Variants in TRIB2 observed in about 807,000 individuals in gnomAD.
TRIB2 encodes the protein tribbles pseudokinase 2, also known as tribbles homolog 2.
Under a neutral mutation model 26.8 loss-of-function variants are expected in TRIB2, and 2 were observed. The ratio of observed to expected loss-of-function variants is 0.07; its 90% CI spans 0.03 to 0.24. The LOEUF (loss-of-function observed/expected upper bound fraction) is 0.24, where lower values mean the gene tolerates loss of function less well. Among genes scored for constraint, TRIB2 ranks in the 10% least tolerant of loss-of-function variants. The pLI, the probability that TRIB2 is intolerant of heterozygous loss-of-function variation, is 1.00. For missense variants in TRIB2, 306 were observed against 449.0 expected, an observed-to-expected ratio of 0.68 and a Z score of 2.88; for synonymous variants, 189 against 187.3, an observed-to-expected ratio of 1.01 and a Z score of -0.08.
intron 2 of TRIB2, among the ~76,000 whole-genome samples, chr2:12,726,279 T>A (rs1661339367): frequency 6.6e-6 from 1 of 152,278 alleles, no homozygotes; most frequent in Non-Finnish European, 1.5e-5. Context: ...CTTGTTGTTT[T>A]GTATTTTAAC....
chr2:12,734,919 C>G (rs2103257667), intron 2 of TRIB2, among the ~76,000 whole-genome samples: 1 of 152,328 alleles, frequency 6.6e-6, no homozygotes, highest in South Asian at 2.1e-4. Flanking sequence ...GCTCCCATTT[C>G]TGACATGTGC....
At chr2:12,725,965 A>G (rs1661332906) in intron 2 of TRIB2, among the ~76,000 whole-genome samples, 1 of 152,180 alleles carries the variant, frequency 6.6e-6, no homozygotes. Flanking sequence ...ACTTGGCCTC[A>G]TGGCAGGGTC....
chr2:12,738,737 G>A (rs1392995830), intron 2 of TRIB2, among the ~76,000 whole-genome samples: 3 of 152,232 alleles, frequency 2.0e-5, no homozygotes, highest in South Asian at 2.1e-4. Flanking sequence ...AGCTTGGGGC[G>A]CTGGGTGGAG....
rs973483673 is a variant in TRIB2 at position 12,732,651 on chromosome 2, C to T, written c.564-7675C>T. ...CATACATGAACCAGAATTAAGTGAA[C>T]GACAATTTATTTGGCATCGTTTAGT... is the stretch of plus-strand genomic sequence containing the variant. On this transcript the variant is annotated intron_variant, in intron 2 of 2. Transcript: ENST00000155926. The surrounding 1 kb of genome is among the most constrained non-coding windows in gnomAD (Gnocchi z 4.2). Among the ~76,000 whole-genome samples, 7 of 152,188 alleles carry T rather than the reference C, an allele frequency of 4.6e-5. No homozygotes were observed. Among genetic ancestry groups the T allele is most frequent in the African/African-American group, 7.2e-5 (3 of 41,440 alleles).
chr2:12,724,900 T>TA, intron 2 of TRIB2: 1 of 1,511,200 alleles, frequency 6.6e-7, no homozygotes, highest in Non-Finnish European at 8.8e-7. Context: ...CCCTTGTATG[T>TA]TCCACCTTTC....
At chr2:12,730,600 T>G (rs774647590) in intron 2 of TRIB2, among the ~76,000 whole-genome samples, 42 of 152,314 alleles carry the variant, frequency 2.8e-4, no homozygotes, top group Non-Finnish European at 4.9e-4. Flanking sequence ...CTGTGGGTTT[T>G]TTTTGTTTTG....
At chr2:12,720,730 T>A (rs1488925991) in intron 1 of TRIB2, among the ~76,000 whole-genome samples, 1 of 152,222 alleles carries the variant, frequency 6.6e-6, no homozygotes, top group East Asian at 1.9e-4. Flanking sequence ...GCGTAGAGAA[T>A]TCCATAGGAC....
At chr2:12,724,343 C>T (rs1270931495) in intron 2 of TRIB2, among the ~76,000 whole-genome samples, 2 of 152,246 alleles carry the variant, frequency 1.3e-5, no homozygotes, top group Non-Finnish European at 2.9e-5. Context: ...TTCTATTTAG[C>T]AGACTCTGCT....
At position 12,739,680 on chromosome 2, in the gene TRIB2, C is replaced by T. The variant is rs939447615; in HGVS notation, c.564-646C>T. Among the ~76,000 whole-genome samples the T allele has an allele frequency of 5.9e-5, 9 of 152,220 alleles. No homozygotes were observed. In the East Asian group the frequency reaches 1.7e-3, roughly 29 times the overall value. ...CCTGGTATAGCAGAAAGAGCAGCAGCATCAACTTAGGAAGATGTGGGATCA... is the reference window on the plus strand; with the variant it reads ...CCTGGTATAGCAGAAAGAGCAGCAGTATCAACTTAGGAAGATGTGGGATCA... On this transcript the variant is annotated intron_variant, in intron 2 of 2. Coordinates refer to ENST00000155926, the MANE Select transcript of TRIB2 (RefSeq NM_021643.4).
chr2:12,732,751 C>T lies in TRIB2; in HGVS notation c.564-7575C>T, dbSNP rs1661484919. Among the ~76,000 whole-genome samples, 1 of 152,246 alleles carries T rather than the reference C, an allele frequency of 6.6e-6. No individual in the cohort carries two copies. Among genetic ancestry groups the T allele is most frequent in the Non-Finnish European group, 1.5e-5 (1 of 68,048 alleles). ...GGTGCCAGGTGGTCCTTCCCAGGCC[C>T]TTGGTAGCAGCCGCCCCGGGCGGGA... On this transcript the variant is annotated intron_variant, in intron 2 of 2. Coordinates refer to ENST00000155926, the MANE Select transcript of TRIB2 (RefSeq NM_021643.4). This position sits in a 1 kb window ranked among gnomAD's most constrained non-coding sequence, Gnocchi z 4.2.
chr2:12,727,281 A>G (rs529232917), intron 2 of TRIB2, among the ~76,000 whole-genome samples: 1 of 152,222 alleles, frequency 6.6e-6, no homozygotes, highest in East Asian at 1.9e-4. Flanking sequence ...GCAGGCACTC[A>G]TGAAGGGACA....
chr2:12,724,966 T>C, intron 2 of TRIB2: 1 of 1,302,760 alleles, frequency 7.7e-7, no homozygotes, highest in Non-Finnish European at 1.0e-6. Flanking sequence ...GTTTACCTCT[T>C]ACCATAAGGT....
rs560008833 is a variant in TRIB2, at chr2:12,718,276, T to C, written c.-32T>C. 1 of 1,591,252 alleles carries C rather than the reference T, an allele frequency of 6.3e-7. No homozygotes were observed. Among genetic ancestry groups the C allele is most frequent in the East Asian group, 2.2e-5 (1 of 44,480 alleles). ...AGCGACTCATCTCTCCAGCGGGTTT[T>C]TTTTTGTTTGTCGTGTGCGATCCTC... On this transcript the variant is annotated 5_prime_UTR_variant, in exon 1 of 3. Coordinates refer to ENST00000155926, the MANE Select transcript of TRIB2 (RefSeq NM_021643.4). The surrounding 1 kb of genome is among the most constrained non-coding windows in gnomAD (Gnocchi z 4.0).
At position 12,737,341 on chromosome 2, in the gene TRIB2, G is replaced by T. The variant is rs75978038; in HGVS notation, c.564-2985G>T. The T allele has an allele frequency of 1.2e-3, 182 of 150,996 alleles. 4 individuals carry two copies. In the East Asian group the frequency reaches 0.033, roughly 27 times the overall value. 9.4% of individuals were successfully genotyped at this position (150,996 alleles called of 1,614,324 possible). A position where few individuals can be genotyped will look rare whatever the true frequency, so the allele number is the denominator to read the frequency against. The stretch of plus-strand genomic sequence containing the variant: ...ATTCTGCTAAAACAGTGAAATTGGA[G>T]ATGAGGAGTCTGGCTTGCGCTGGGT... On this transcript the variant is annotated intron_variant, in intron 2 of 2. Coordinates refer to ENST00000155926, the MANE Select transcript of TRIB2 (RefSeq NM_021643.4).
Position 12,741,897 on chromosome 2 carries a change from A to T in TRIB2, c.*1103A>T, listed in dbSNP as rs181525165. The T allele has an allele frequency of 0.015, 2,320 of 152,802 alleles. 30 individuals are homozygous for T. The highest frequency in any genetic ancestry group is 0.054 in the South Asian group (260 of 4,822). The allele number at this position is 152,802 out of a possible 1,614,324, so 9.5% of individuals were successfully genotyped here. ...CCCTCAGTAGAGACAAGCGGGAAGG[A>T]TAATTAGCTGAAAGCTATGATGATA... On this transcript the variant is annotated 3_prime_UTR_variant, in exon 3 of 3. Transcript: ENST00000155926.
intron 2 of TRIB2, 87 bp downstream of exon 2, chr2:12,723,639 T>C: frequency 2.7e-6 from 4 of 1,483,840 alleles, no homozygotes; most frequent in Non-Finnish European, 3.6e-6. Flanking sequence ...GGACGTTTTT[T>C]TGCCGTCTGT....
intron 2 of TRIB2, chr2:12,737,328 C>G (rs1341007726): frequency 6.5e-6 from 1 of 154,588 alleles, no homozygotes; most frequent in Non-Finnish European, 1.5e-5. Flanking sequence ...TCTGCTAAAA[C>G]AGTGAAATTG....
chr2:12,726,182 C>CTGAT (rs112785680), intron 2 of TRIB2, among the ~76,000 whole-genome samples: 5,441 of 152,292 alleles, frequency 0.036, 329 homozygotes, highest in African/African-American at 0.12. Context: ...TCAGCAGTAG[C>CTGAT]TGATTGATAA....
rs905154097 is a variant in TRIB2, at chr2:12,739,362, C to T, written c.564-964C>T. ...GTAACCTCCGCCTCCCGGGTTCAAA[C>T]GATTCTCCTGCCTCGGCCTCCTGAG... On this transcript the variant is annotated intron_variant, in intron 2 of 2. Transcript: ENST00000155926. Among the ~76,000 whole-genome samples the T allele has an allele frequency of 3.3e-5, 5 of 152,160 alleles. No individual in the cohort carries two copies. The South Asian group carries it at 6.2e-4, about 19-fold the overall frequency.
Sources: allele counts gnomAD v4.1 joint callset (sites outside exome capture counted in the v4.1 genomes callset), GRCh38; gene constraint gnomAD v4.1.1; non-coding constraint Gnocchi (gnomAD v3.1); transcripts MANE v1.5; gene names NCBI Gene and HGNC (gene_info 2026-07-23, HGNC 2026-07-21).